Variants in PCNX1 observed in about 807,000 individuals in gnomAD.
The protein encoded by PCNX1 is pecanex 1.
Under a neutral mutation model 242.2 loss-of-function variants are expected in PCNX1, and 78 were observed. The ratio of observed to expected loss-of-function variants is 0.32; its 90% confidence interval spans 0.27 to 0.39. The LOEUF (loss-of-function observed/expected upper bound fraction) is 0.39, where lower values mean the gene tolerates loss of function less well. PCNX1 is among the 10% of genes least tolerant of loss of function. The pLI is 1.00. For synonymous variants in PCNX1, 1,024 were observed against 1,032.9 expected (o/e 0.99, Z 0.17); for missense variants, 2,581 against 2,856.5 (o/e 0.90, Z 2.20).
chr14:70,958,213 A>G (rs909384211), intron 2 of PCNX1, among the ~76,000 whole-genome samples: 17 of 152,146 alleles, frequency 1.1e-4, no homozygotes, highest in African/African-American at 3.9e-4. Context: ...TTTTATTTTT[A>G]TAAATGGATA....
At chr14:70,909,264 A>C (rs966670430) in intron 1 of PCNX1, among the ~76,000 whole-genome samples, 1 of 111,940 alleles carries the variant, frequency 8.9e-6, no homozygotes, top group South Asian at 3.0e-4. Context: ...TTATTGTTTG[A>C]GGTTAAAAAA....
chr14:71,112,318 G>A lies in PCNX1; in HGVS notation c.*2383G>A, dbSNP rs952246424. The A allele has an allele frequency of 5.3e-5, 8 of 151,962 alleles. No individual in the cohort carries two copies. Among genetic ancestry groups the A allele is most frequent in the Non-Finnish European group, 8.8e-5 (6 of 67,904 alleles). The allele number at this position is 151,962 out of a possible 1,614,324, so 9.4% of individuals were successfully genotyped here. On this transcript the variant is annotated 3_prime_UTR_variant, in exon 36 of 36. Coordinates refer to ENST00000304743, the MANE Select transcript of PCNX1 (RefSeq NM_014982.3). ...ACTAGACTTTATATGGAACATATAT[G>A]TTGGGTTTTGATTTTGGGTAGCAAT... is the stretch of plus-strand genomic sequence containing the variant.
intron 11 of PCNX1, among the ~76,000 whole-genome samples, chr14:71,016,259 G>T (rs1023951438): frequency 2.0e-5 from 3 of 152,130 alleles, no homozygotes; most frequent in Non-Finnish European, 2.9e-5. Flanking sequence ...AATTCATAAA[G>T]CAAAAGCTAA....
At chr14:71,094,446 T>C (rs145511121) in intron 30 of PCNX1, among the ~76,000 whole-genome samples, 5 of 152,350 alleles carry the variant, frequency 3.3e-5, no homozygotes, top group African/African-American at 1.2e-4. Context: ...TATTTCAAAC[T>C]TGACTTTTAA....
At chr14:70,916,386 A>C (rs915062164) in intron 1 of PCNX1, among the ~76,000 whole-genome samples, 4 of 152,196 alleles carry the variant, frequency 2.6e-5, no homozygotes, top group Non-Finnish European at 5.9e-5. Context: ...AAATCAGCAA[A>C]GGAAGACAGA....
At chr14:70,985,338 C>T (rs1407458270) in intron 6 of PCNX1, among the ~76,000 whole-genome samples, 1 of 152,152 alleles carries the variant, frequency 6.6e-6, no homozygotes, top group Non-Finnish European at 1.5e-5. Flanking sequence ...CCTCAGCCTC[C>T]CGAGTAGCCG....
chr14:71,073,783 C>T lies in PCNX1; in HGVS notation c.5091C>T (p.Thr1697=), dbSNP rs2061644906. Residue 1697 remains threonine, a synonymous_variant, in exon 27 of 36, where the codon ACC becomes ACT. Coordinates refer to ENST00000304743, the MANE Select transcript of PCNX1 (RefSeq NM_014982.3). ...TCTTTGATCTTCGGAAAGTACTCAC[C>T]ACTTACTATGTCAAGGTAGGAGTAT... ...LQVFDLRKVL[T]TYYVKGIIYY... The T allele has an allele frequency of 4.4e-6, 7 of 1,604,164 alleles. No homozygotes were observed. Among genetic ancestry groups the T allele is most frequent in the Non-Finnish European group, 6.0e-6 (7 of 1,172,880 alleles).
chr14:71,078,738 T>C (rs1005972132), intron 28 of PCNX1: 2 of 152,218 alleles, frequency 1.3e-5, no homozygotes, highest in African/African-American at 2.4e-5. Context: ...CTGAAAAAAA[T>C]GGTAGGTACA....
At chr14:70,967,234 AC>A (rs1367304939) in intron 3 of PCNX1, among the ~76,000 whole-genome samples, 3 of 152,212 alleles carry the variant, frequency 2.0e-5, no homozygotes, top group Non-Finnish European at 2.9e-5. Flanking sequence ...GTCAACATTA[AC>A]TTATATTTTG....
chr14:70,916,457 A>G (rs868069589), intron 1 of PCNX1, among the ~76,000 whole-genome samples: 1 of 152,190 alleles, frequency 6.6e-6, no homozygotes, highest in Non-Finnish European at 1.5e-5. Flanking sequence ...CCTTGGAGAT[A>G]TTGCAAGTTT....
chr14:71,048,149 T>G (rs1466866137), intron 22 of PCNX1, among the ~76,000 whole-genome samples, 165 bp downstream of exon 22: 1 of 152,188 alleles, frequency 6.6e-6, no homozygotes, highest in African/African-American at 2.4e-5. Flanking sequence ...ACAAAGATAG[T>G]CACTGTGATT....
At chr14:71,034,508 C>T (rs2060476295) in intron 18 of PCNX1, among the ~76,000 whole-genome samples, 1 of 152,044 alleles carries the variant, frequency 6.6e-6, no homozygotes, top group Admixed American at 6.6e-5. Context: ...AGAACAATAA[C>T]CTGTATTAAT....
At chr14:71,057,229 G>A (rs941163724) in intron 25 of PCNX1, among the ~76,000 whole-genome samples, 7 of 151,990 alleles carry the variant, frequency 4.6e-5, no homozygotes, top group African/African-American at 1.7e-4. Context: ...ACGAACTGTT[G>A]AAGAGGTCAA....
intron 24 of PCNX1, among the ~76,000 whole-genome samples, chr14:71,055,286 T>C (rs780832732): frequency 7.9e-5 from 12 of 152,148 alleles, no homozygotes; most frequent in African/African-American, 1.2e-4. Flanking sequence ...AAAAAAAAAC[T>C]GCTATGTTCA....
At position 70,946,939 on chromosome 14, in the gene PCNX1, G is replaced by A. The variant is rs1466820916; in HGVS notation, c.178G>A (p.Val60Ile). ...GGCCCTTCCTTCTACCATGATTATA[G>A]TAGCAGTTTATTGTCCTGTGATAGC... is the stretch of plus-strand genomic sequence containing the variant. ...YMALPSTMIIVAVYCPVIAAV... is the reference protein window; with the variant it reads ...YMALPSTMIIIAVYCPVIAAV... Residue 60 changes from valine (V) to isoleucine (I), a missense_variant, in exon 2 of 36, where the codon GTA (valine) becomes ATA (isoleucine). By Grantham distance (29) the Val-to-Ile change is conservative. Transcript: ENST00000304743. 2 of 1,612,006 alleles carry A rather than the reference G, an allele frequency of 1.2e-6. No individual in the cohort carries two copies. The highest frequency in any genetic ancestry group is 2.2e-5 in the East Asian group (1 of 44,878).
rs752477632 is a variant in PCNX1 at position 71,102,056 on chromosome 14, G to C, written c.5656G>C (p.Glu1886Gln). The C allele has an allele frequency of 2.4e-5, 39 of 1,613,750 alleles. No individual in the cohort carries two copies. The East Asian group carries it at 8.7e-4, about 36-fold the overall frequency. ...GCTCTATGAAGCCATAGTATCTCAT[G>C]AGAAGAACCTCGTAATAGCCCATGA... ...TVLYEAIVSH[E>Q]KNLVIAHEGD... Residue 1886 changes from glutamate to glutamine, a missense_variant, in exon 31 of 36, where the codon GAG (glutamate) becomes CAG (glutamine). This residue lies in a region of PCNX1 where 298 missense variants were observed against 480.1 expected (regional missense o/e 0.62). Transcript: ENST00000304743.
chr14:71,003,081 T>TTC (rs1555359217), intron 8 of PCNX1, among the ~76,000 whole-genome samples: 1 of 47,076 alleles, frequency 2.1e-5, no homozygotes, highest in Admixed American at 2.8e-4. Context: ...GGTTGTCTTC[T>TTC]TTTTTTTTTT....
chr14:70,931,768 C>T (rs1218753729), intron 1 of PCNX1, among the ~76,000 whole-genome samples: 2 of 152,210 alleles, frequency 1.3e-5, no homozygotes, highest in Non-Finnish European at 2.9e-5. Context: ...GCACCGTTTT[C>T]TTAACTTGGT....
chr14:71,103,454 A>T lies in PCNX1; in HGVS notation c.5880A>T (p.Leu1960=). The T allele has an allele frequency of 6.2e-7, 1 of 1,614,132 alleles. No homozygotes were observed. Among genetic ancestry groups the T allele is most frequent in the Non-Finnish European group, 8.5e-7 (1 of 1,179,992 alleles). Residue 1960 remains leucine, a synonymous_variant, in exon 32 of 36, where the codon CTA becomes CTT. Coordinates refer to ENST00000304743, the MANE Select transcript of PCNX1 (RefSeq NM_014982.3). ...WAGQQQELVF[L]RNRNPERGSI... ...GGCAACAGCAGGAGCTTGTTTTTCT[A>T]CGTAACCGTAACCCAGAGAGAGGTA...
Sources: gnomAD v4.1 joint callset for allele counts (sites outside exome capture counted in the v4.1 genomes callset) on GRCh38, gnomAD v4.1.1 for gene constraint, gnomAD v4.1.1 regional missense constraint, MANE v1.5 for transcripts, NCBI Gene and HGNC (gene_info 2026-07-23, HGNC 2026-07-21) for gene names.